Variants in HPSE2 observed in about 807,000 individuals in gnomAD.
HPSE2 encodes the protein inactive heparanase-2.
HPSE2 carries 38 observed loss-of-function variants against 60.5 expected under a neutral mutation model. The observed-to-expected ratio is 0.63, with a 90% CI of 0.48 to 0.82. The LOEUF is 0.82. Ranked by LOEUF, HPSE2 falls within the 40% of genes least tolerant of loss-of-function variation. HPSE2 has a pLI of 0.00. For missense variants in HPSE2, 713 were observed against 740.4 expected (o/e 0.96, Z 0.43); for synonymous variants, 295 against 293.2 (o/e 1.01, Z -0.06).
At chr10:99,250,011 C>T in the HPSE2 span, among the ~76,000 whole-genome samples, 9 of 151,870 alleles carry the variant, frequency 5.9e-5, no homozygotes, top group Non-Finnish European at 8.8e-5. Flanking sequence ...GGCATGGTGG[C>T]GGGTGCCTGT....
At chr10:98,814,914 G>A (rs192261673) in intron 3 of HPSE2, among the ~76,000 whole-genome samples, 69 of 152,246 alleles carry the variant, frequency 4.5e-4, no homozygotes, top group African/African-American at 1.6e-3. Context: ...TCCATTCTTG[G>A]TTAGGAAGAG....
chr10:99,066,541 G>A (rs905090969), intron 3 of HPSE2, among the ~76,000 whole-genome samples: 8 of 152,150 alleles, frequency 5.3e-5, no homozygotes, highest in Admixed American at 5.2e-4. Flanking sequence ...CAAATGAGGA[G>A]CAAAGTCATG....
chr10:99,256,242 G>A, the HPSE2 span, among the ~76,000 whole-genome samples: 3 of 149,718 alleles, frequency 2.0e-5, no homozygotes, highest in African/African-American at 7.4e-5. Flanking sequence ...GCAGCCTAAT[G>A]GGAGGTATTT....
At chr10:98,602,327 T>C (rs553495700) in intron 9 of HPSE2, among the ~76,000 whole-genome samples, 1 of 152,242 alleles carries the variant, frequency 6.6e-6, no homozygotes, top group East Asian at 1.9e-4. Flanking sequence ...TACTGAAAGC[T>C]GAAATAGATG....
chr10:98,949,047 G>A (rs953273622), intron 3 of HPSE2, among the ~76,000 whole-genome samples: 36 of 152,024 alleles, frequency 2.4e-4, no homozygotes, highest in African/African-American at 8.4e-4. Context: ...TTGCTGCACG[G>A]GGAGTTGGTG....
At chr10:98,886,334 C>T (rs1409507995) in intron 3 of HPSE2, among the ~76,000 whole-genome samples, 2 of 152,034 alleles carry the variant, frequency 1.3e-5, no homozygotes, top group African/African-American at 4.8e-5. Flanking sequence ...AAATAAAAGG[C>T]ATGCAAATCT....
At chr10:99,303,554 TA>T in the HPSE2 span, among the ~76,000 whole-genome samples, 1 of 152,202 alleles carries the variant, frequency 6.6e-6, no homozygotes, top group South Asian at 2.1e-4. Flanking sequence ...GAAGGGCCCC[TA>T]TCAGGTGTTA....
At chr10:98,616,013 C>T (rs1415439850) in intron 8 of HPSE2, among the ~76,000 whole-genome samples, 1 of 152,198 alleles carries the variant, frequency 6.6e-6, no homozygotes, top group African/African-American at 2.4e-5. Flanking sequence ...TACCCAAATA[C>T]ACATTGCTTT....
intron 9 of HPSE2, among the ~76,000 whole-genome samples, chr10:98,542,671 C>T (rs997544651): frequency 4.0e-5 from 6 of 150,710 alleles, no homozygotes; most frequent in Admixed American, 1.3e-4. Context: ...TCGAGAACTA[C>T]GTGAAGAATG....
chr10:98,768,454 T>C (rs1307775074), intron 3 of HPSE2, among the ~76,000 whole-genome samples: 3 of 152,280 alleles, frequency 2.0e-5, no homozygotes, highest in East Asian at 1.9e-4. Context: ...ACAAAATTAT[T>C]TTTGTTTTAA....
chr10:99,143,830 A>G (rs1845952347), intron 3 of HPSE2, among the ~76,000 whole-genome samples: 1 of 152,222 alleles, frequency 6.6e-6, no homozygotes, highest in South Asian at 2.1e-4. Context: ...CACCAAGAAT[A>G]GAACATTCTC....
At chr10:98,660,388 T>A (rs1168467959) in intron 6 of HPSE2, among the ~76,000 whole-genome samples, 1 of 152,232 alleles carries the variant, frequency 6.6e-6, no homozygotes, top group Non-Finnish European at 1.5e-5. Flanking sequence ...CTTATAGATG[T>A]AGAAACCCAG....
intron 3 of HPSE2, among the ~76,000 whole-genome samples, chr10:98,882,390 A>T (rs1458123059): frequency 6.6e-6 from 1 of 152,074 alleles, no homozygotes; most frequent in Non-Finnish European, 1.5e-5. Context: ...ACTTACAACA[A>T]TATTTTTTTT....
the HPSE2 span, among the ~76,000 whole-genome samples, chr10:99,246,687 C>T: frequency 6.6e-6 from 1 of 151,360 alleles, no homozygotes; most frequent in Non-Finnish European, 1.5e-5. Context: ...GCAGAGGTTG[C>T]AGTGAGCCGA....
intron 6 of HPSE2, among the ~76,000 whole-genome samples, chr10:98,651,412 T>C (rs369634694): frequency 1.9e-4 from 29 of 152,348 alleles, no homozygotes; most frequent in African/African-American, 7.0e-4. Flanking sequence ...TTGAAACTGA[T>C]AGATGACTCA....
intron 4 of HPSE2, among the ~76,000 whole-genome samples, chr10:98,738,395 C>T (rs1428994290): frequency 2.6e-5 from 4 of 152,160 alleles, no homozygotes; most frequent in South Asian, 2.1e-4. Context: ...CTAGGCAATA[C>T]CATTCAGGAC....
At chr10:99,053,930 T>C (rs1958050505) in intron 3 of HPSE2, among the ~76,000 whole-genome samples, 1 of 151,304 alleles carries the variant, frequency 6.6e-6, no homozygotes, top group African/African-American at 2.4e-5. Flanking sequence ...GAGATGGAGT[T>C]TCACCATGTT....
intron 3 of HPSE2, among the ~76,000 whole-genome samples, chr10:98,868,516 T>C (rs1409904519): frequency 6.6e-6 from 1 of 152,178 alleles, no homozygotes; most frequent in Non-Finnish European, 1.5e-5. Flanking sequence ...GGAATGCTTG[T>C]AACACAAACG....
At chr10:98,728,719 C>G (rs938849665) in intron 4 of HPSE2, among the ~76,000 whole-genome samples, 3 of 151,946 alleles carry the variant, frequency 2.0e-5, no homozygotes, top group Non-Finnish European at 4.4e-5. Context: ...AAGAAAATAA[C>G]AAAACAGGGT....
Sources: allele counts gnomAD v4.1 joint callset (sites outside exome capture counted in the v4.1 genomes callset), GRCh38; gene constraint gnomAD v4.1.1; transcripts MANE v1.5; gene names NCBI Gene and HGNC (gene_info 2026-07-23, HGNC 2026-07-21).